The following ADGRL1 variants were observed in gnomAD, a reference collection of about 807,000 sequenced individuals.
ADGRL1 encodes CIRL-1.
Under a neutral mutation model 148.9 loss-of-function variants are expected in ADGRL1, and 31 were observed. That is an observed-to-expected ratio of 0.21 (90% CI 0.16 to 0.28). The LOEUF (loss-of-function observed/expected upper bound fraction) is 0.28, where lower values mean the gene tolerates loss of function less well. Among genes scored for constraint, ADGRL1 ranks in the 10% least tolerant of loss-of-function variants. ADGRL1 has a pLI of 1.00. For synonymous variants in ADGRL1, 937 were observed against 900.3 expected (o/e 1.04, Z -0.73); for missense variants, 1,521 against 2,058.8 (o/e 0.74, Z 5.05).
At chr19:14,180,398 G>A (rs550410196) in intron 2 of ADGRL1, among the ~76,000 whole-genome samples, 3 of 152,158 alleles carry the variant, frequency 2.0e-5, no homozygotes, top group Non-Finnish European at 2.9e-5. Flanking sequence ...TGGGATTACA[G>A]GCGCCTGCCA....
chr19:14,183,638 G>T lies in ADGRL1; in HGVS notation c.-36C>A. On this transcript the variant is annotated 5_prime_UTR_variant, in exon 2 of 23. Transcript: ENST00000361434. Reference sequence around the variant, plus strand: ...GGGTGCGTGTCCGGAGCTCTCAGTGGCCTGTGCGGGGGGCTTTGCCCCACA... The same window carrying T: ...GGGTGCGTGTCCGGAGCTCTCAGTGTCCTGTGCGGGGGGCTTTGCCCCACA... The T allele has an allele frequency of 2.0e-6, 3 of 1,538,240 alleles. No homozygotes were observed. The highest frequency in any genetic ancestry group is 2.0e-5 in the Admixed American group (1 of 51,114).
At chr19:14,182,700 G>A (rs767335291) in intron 2 of ADGRL1, among the ~76,000 whole-genome samples, 1 of 152,230 alleles carries the variant, frequency 6.6e-6, no homozygotes, top group Non-Finnish European at 1.5e-5. Context: ...GGGGGTGGAG[G>A]CAGCCCTCCC....
rs374448479 is a variant in ADGRL1, at chr19:14,159,205, G to A, written c.2034C>T (p.Val678=). 9.3e-6 allele frequency: 15 copies of A among 1,613,960 alleles called. No individual in the cohort carries two copies. The African/African-American group carries it at 2.0e-4, about 22-fold the overall frequency. Residue 678 remains valine (V), a synonymous_variant, in exon 11 of 23, where the codon GTC becomes GTT. Transcript: ENST00000361434. This position sits in a 1 kb window ranked among gnomAD's most constrained non-coding sequence, Gnocchi z 6.0. ...LAAKENVVLE[V]TVLNTEGQVQ... is the part of the protein sequence containing the mutation. ...CCTGGCCCTCTGTGTTCAGGACTGT[G>A]ACCTCCAGGACTGTGGGGACAGGGG...
chr19:14,159,808 T>C lies in ADGRL1; in HGVS notation c.1801-35A>G. 1 of 1,592,528 alleles carries C rather than the reference T, an allele frequency of 6.3e-7. No homozygotes were observed. Among genetic ancestry groups the C allele is most frequent in the South Asian group, 1.1e-5 (1 of 90,642 alleles). On this transcript the variant is annotated intron_variant, in intron 8 of 22. Transcript: ENST00000361434. The surrounding 1 kb of genome is among the most constrained non-coding windows in gnomAD (Gnocchi z 6.0). ...GATGGAGGTGATGTCAGGCCAGGCCTCTGGGTGCCGGTTCCCTCACCCTAA... is the reference window on the plus strand; with the variant it reads ...GATGGAGGTGATGTCAGGCCAGGCCCCTGGGTGCCGGTTCCCTCACCCTAA...
Position 14,155,749 on chromosome 19 carries a change from T to G in ADGRL1, c.3126-222A>C, listed in dbSNP as rs3619. The G allele has an allele frequency of 0.11, 65,080 of 585,626 alleles. 4,219 individuals carry two copies. Among genetic ancestry groups the G allele is most frequent in the Admixed American group, 0.21 (6,773 of 32,896 alleles). The allele number at this position is 585,626 out of a possible 1,614,324, so 36.3% of individuals were successfully genotyped here. On this transcript the variant is annotated intron_variant, in intron 17 of 22. Transcript: ENST00000361434. This position sits in a 1 kb window ranked among gnomAD's most constrained non-coding sequence, Gnocchi z 5.0. ...TACTGGGTCAGGGGTCGGGGTATTGTGAACATCAGTTATTCCTCTGCCAAC... is the reference window on the plus strand; with the variant it reads ...TACTGGGTCAGGGGTCGGGGTATTGGGAACATCAGTTATTCCTCTGCCAAC...
chr19:14,193,048 C>T (rs1972040694), intron 1 of ADGRL1, among the ~76,000 whole-genome samples: 1 of 152,112 alleles, frequency 6.6e-6, no homozygotes, highest in Non-Finnish European at 1.5e-5. Context: ...GGGGACCACG[C>T]CTGACCCCCA....
rs756030523 is a variant in ADGRL1 at position 14,155,521 on chromosome 19, C to T, written c.3132G>A (p.Trp1044Ter). Residue 1044 changes from tryptophan (W) to a stop codon, truncating the protein, a stop_gained, in exon 18 of 23, where the codon TGG (tryptophan) becomes TGA (stop). Transcript: ENST00000361434. LOFTEE classifies it high-confidence loss of function. This position sits in a 1 kb window ranked among gnomAD's most constrained non-coding sequence, Gnocchi z 5.0. ...ACAGCAGCGCGATGGCCCCCAGCGC[C>T]CAGGATCTGGGAGTGGGGCGACAGG... ...DSSRLDNIKSWALGAIALLFL... is the reference protein window; with the variant it reads ...DSSRLDNIKS 6.2e-7 allele frequency: 1 copy of T among 1,613,364 alleles called. No homozygotes were observed. Among genetic ancestry groups the T allele is most frequent in the Non-Finnish European group, 8.5e-7 (1 of 1,179,802 alleles).
intron 18 of ADGRL1, among the ~76,000 whole-genome samples, chr19:14,154,603 G>T (rs1211409599): frequency 1.3e-5 from 2 of 150,124 alleles, no homozygotes; most frequent in Non-Finnish European, 1.5e-5. Context: ...TGTATGTGTG[G>T]TTTTTTTGTT....
chr19:14,169,880 G>A (rs1970323258), intron 4 of ADGRL1: 1 of 152,278 alleles, frequency 6.6e-6, no homozygotes, highest in Non-Finnish European at 1.5e-5. Context: ...TGCTGAGGAG[G>A]AGAGACCTTG....
chr19:14,180,223 C>G (rs1971095370), intron 2 of ADGRL1, among the ~76,000 whole-genome samples: 1 of 152,084 alleles, frequency 6.6e-6, no homozygotes, highest in Non-Finnish European at 1.5e-5. Flanking sequence ...ATGGAACTTT[C>G]TTGGACTCTG....
intron 4 of ADGRL1, among the ~76,000 whole-genome samples, chr19:14,166,239 C>G (rs1329644801): frequency 6.6e-6 from 1 of 152,010 alleles, no homozygotes; most frequent in Non-Finnish European, 1.5e-5. Flanking sequence ...CGCCCCCGCC[C>G]CCTCGCCCTC....
chr19:14,173,712 C>T, intron 3 of ADGRL1, among the ~76,000 whole-genome samples: 1 of 152,020 alleles, frequency 6.6e-6, no homozygotes, highest in Non-Finnish European at 1.5e-5. Flanking sequence ...TTTGGGAGGC[C>T]AAGACTGGCA....
At chr19:14,193,181 G>A (rs1568628484) in intron 1 of ADGRL1, among the ~76,000 whole-genome samples, 1 of 151,658 alleles carries the variant, frequency 6.6e-6, no homozygotes, top group Non-Finnish European at 1.5e-5. Context: ...AGCTTGGCAG[G>A]TGGTGGGTGT....
intron 1 of ADGRL1, among the ~76,000 whole-genome samples, chr19:14,202,072 T>A (rs1326977726): frequency 6.6e-6 from 1 of 151,772 alleles, no homozygotes; most frequent in Non-Finnish European, 1.5e-5. Context: ...GGATCACACT[T>A]AGCACACTGG....
At chr19:14,181,963 G>C (rs977701169) in intron 2 of ADGRL1, among the ~76,000 whole-genome samples, 2 of 152,192 alleles carry the variant, frequency 1.3e-5, no homozygotes, top group Non-Finnish European at 2.9e-5. Context: ...GTTCTGAGCA[G>C]GCTGAGCTCC....
At chr19:14,179,080 A>G (rs1971014736) in intron 2 of ADGRL1, among the ~76,000 whole-genome samples, 1 of 152,078 alleles carries the variant, frequency 6.6e-6, no homozygotes, top group Non-Finnish European at 1.5e-5. Context: ...GCGACTTGAG[A>G]GGCTGAGGCA....
At position 14,177,757 on chromosome 19, in the gene ADGRL1, T is replaced by G. The variant is rs756136555; in HGVS notation, c.71-13A>C. On this transcript the variant is annotated splice_polypyrimidine_tract_variant and intron_variant, in intron 2 of 22. Transcript: ENST00000361434. ...GCCCGGCTCAGGCCTGCAGGGAGGG[T>G]TGGGGATGGTGTCACTCCTGGGCCT... 261 of 1,604,678 alleles carry G rather than the reference T, an allele frequency of 1.6e-4. No homozygotes were observed. The highest frequency in any genetic ancestry group is 2.0e-4 in the Non-Finnish European group (237 of 1,177,158).
intron 1 of ADGRL1, among the ~76,000 whole-genome samples, chr19:14,186,011 G>C (rs1447044461): frequency 6.6e-6 from 1 of 152,166 alleles, no homozygotes; most frequent in African/African-American, 2.4e-5. Context: ...TCATGGGGCA[G>C]GGATCATTGA....
rs1599424652 is a variant in ADGRL1 at position 14,163,218 on chromosome 19, G to A, written c.583C>T (p.Arg195Cys). Residue 195 changes from arginine to cysteine, a missense_variant, in exon 5 of 23, where the codon CGC (arginine) becomes TGC (cysteine). Arg to Cys is a radical substitution (Grantham distance 180, BLOSUM62 -3). This residue lies in a region of ADGRL1 where 334 missense variants were observed against 512.5 expected (regional missense o/e 0.65). Coordinates refer to ENST00000361434, the MANE Select transcript of ADGRL1 (RefSeq NM_014921.5). ...YASWEDYVAA[R>C]HTTTYRLPNR... ...GGCAGGCGGTAGGTGGTGGTGTGGC[G>A]GGCGGCCACGTAGTCCTCCCACGAG... is the stretch of plus-strand genomic sequence containing the variant. 2 of 1,613,580 alleles carry A rather than the reference G, an allele frequency of 1.2e-6. No homozygotes were observed. Among genetic ancestry groups the A allele is most frequent in the Non-Finnish European group, 1.7e-6 (2 of 1,179,986 alleles).
Sources: allele counts gnomAD v4.1 joint callset (sites outside exome capture counted in the v4.1 genomes callset), GRCh38; gene constraint gnomAD v4.1.1; regional missense constraint gnomAD v4.1.1; non-coding constraint Gnocchi (gnomAD v3.1); transcripts MANE v1.5; gene names NCBI Gene and HGNC (gene_info 2026-07-23, HGNC 2026-07-21).